MDGA2: variants seen among roughly 807,000 people sequenced by gnomAD.
MDGA2 encodes MAM domain-containing glycosylphosphatidylinositol anchor protein 2.
A neutral mutation model predicts 117.8 loss-of-function variants in MDGA2; 40 were observed. The observed-to-expected ratio is 0.34, with a 90% CI of 0.26 to 0.44. MDGA2 has a LOEUF of 0.44. Ranked by LOEUF, MDGA2 falls within the 20% of genes least tolerant of loss-of-function variation. The pLI, the probability that MDGA2 is intolerant of heterozygous loss-of-function variation, is 1.00. For synonymous variants in MDGA2, 452 were observed against 439.0 expected (o/e 1.03, Z -0.37); for missense variants, 1,123 against 1,250.6 (o/e 0.90, Z 1.54).
At chr14:47,520,688 G>C (rs1028204106) in intron 1 of MDGA2, among the ~76,000 whole-genome samples, 2 of 152,038 alleles carry the variant, frequency 1.3e-5, no homozygotes, top group African/African-American at 4.8e-5. Context: ...CAAAAATCAA[G>C]AATCAATAAG....
intron 10 of MDGA2, among the ~76,000 whole-genome samples, chr14:46,910,733 G>C (rs1353251859): frequency 1.3e-5 from 2 of 152,134 alleles, no homozygotes; most frequent in Non-Finnish European, 2.9e-5. Flanking sequence ...CAAACCCATA[G>C]TCTCAGCCAT....
intron 1 of MDGA2, among the ~76,000 whole-genome samples, chr14:47,458,012 T>A (rs953133489): frequency 3.1e-4 from 47 of 151,860 alleles, no homozygotes; most frequent in South Asian, 2.7e-3. Flanking sequence ...CCCATATTTT[T>A]TTTTTTTTTT....
intron 2 of MDGA2, among the ~76,000 whole-genome samples, chr14:47,228,279 T>A (rs1349677431): frequency 1.3e-5 from 2 of 152,208 alleles, no homozygotes; most frequent in Non-Finnish European, 1.5e-5. Context: ...CAAGACCCCA[T>A]CAAGGTTCAA....
chr14:47,427,653 C>T (rs1056874923), intron 1 of MDGA2, among the ~76,000 whole-genome samples: 10 of 152,022 alleles, frequency 6.6e-5, no homozygotes, highest in Non-Finnish European at 1.0e-4. Context: ...GAGACAGAGA[C>T]AGGGTCAAAA....
At chr14:46,842,168 T>C (rs1380205777) in intron 16 of MDGA2, 149 bp from the exon 17 acceptor site, 1 of 592,938 alleles carries the variant, frequency 1.7e-6, no homozygotes, top group African/African-American at 1.9e-5. Context: ...ATTTATCAGC[T>C]TCATTGCTAA....
chr14:47,261,038 C>G (rs776943133), intron 2 of MDGA2, among the ~76,000 whole-genome samples: 13 of 152,084 alleles, frequency 8.5e-5, no homozygotes, highest in Non-Finnish European at 1.8e-4. Context: ...TGAGCAAAAG[C>G]AAATTACCTC....
Position 47,197,683 on chromosome 14 carries a change from G to A in MDGA2, c.595+20338C>T, listed in dbSNP as rs1885337040. 2.6e-5 allele frequency among the ~76,000 whole-genome samples: 4 copies of A among 152,210 alleles called. No homozygotes were observed. The South Asian group carries it at 8.3e-4, about 32-fold the overall frequency. On this transcript the variant is annotated intron_variant, in intron 3 of 16. Coordinates refer to ENST00000399232, the MANE Select transcript of MDGA2 (RefSeq NM_001113498.3). ...CTCAGCACTTTGAGAGGCCAAGGAG[G>A]GTGGATCACGAGGTCAGGGGTTCGA...
intron 2 of MDGA2, among the ~76,000 whole-genome samples, chr14:47,228,841 C>A (rs887743799): frequency 6.6e-6 from 1 of 152,158 alleles, no homozygotes; most frequent in Non-Finnish European, 1.5e-5. Flanking sequence ...TGAATTATGA[C>A]AACTCTTGTG....
intron 1 of MDGA2, among the ~76,000 whole-genome samples, chr14:47,565,860 G>A (rs1445857124): frequency 1.3e-5 from 2 of 152,212 alleles, no homozygotes; most frequent in Non-Finnish European, 2.9e-5. Context: ...GCCAGCAGCT[G>A]TGACAATGTG....
intron 1 of MDGA2, among the ~76,000 whole-genome samples, chr14:47,528,224 C>T (rs539710072): frequency 1.3e-5 from 2 of 152,188 alleles, no homozygotes; most frequent in Admixed American, 6.5e-5. Context: ...CTAAACACGG[C>T]ACTGCTAACA....
chr14:47,084,510 A>G (rs985930483), intron 6 of MDGA2, among the ~76,000 whole-genome samples: 1 of 152,106 alleles, frequency 6.6e-6, no homozygotes, highest in African/African-American at 2.4e-5. Context: ...AAAAAAAAAA[A>G]AAAACTGACA....
chr14:47,627,843 G>A (rs1594951416), intron 1 of MDGA2, among the ~76,000 whole-genome samples: 1 of 152,170 alleles, frequency 6.6e-6, no homozygotes, highest in South Asian at 2.1e-4. Flanking sequence ...TCACTGTGAA[G>A]GTCTGCAGTT....
At position 47,245,548 on chromosome 14, in the gene MDGA2, T is replaced by A. The variant is rs531977574; in HGVS notation, c.421-27353A>T. 1.3e-4 allele frequency among the ~76,000 whole-genome samples: 19 copies of A among 151,732 alleles called. 2 individuals are homozygous for A. Among genetic ancestry groups the A allele is most frequent in the Non-Finnish European group, 2.1e-4 (14 of 67,734 alleles). ...ATGATATGGAGTTAGAAGGGTAGAATAAAGGACTTCAAAGTGCCTTCCTAA... is the reference window on the plus strand; with the variant it reads ...ATGATATGGAGTTAGAAGGGTAGAAAAAAGGACTTCAAAGTGCCTTCCTAA... On this transcript the variant is annotated intron_variant, in intron 2 of 16. Transcript: ENST00000399232.
At chr14:47,537,593 A>C (rs1303993014) in intron 1 of MDGA2, among the ~76,000 whole-genome samples, 10 of 142,088 alleles carry the variant, frequency 7.0e-5, no homozygotes, top group African/African-American at 2.6e-4. Context: ...AAAAAAAAAA[A>C]AAAAAAAAAA....
chr14:47,256,288 G>C (rs952784131), intron 2 of MDGA2, among the ~76,000 whole-genome samples: 1 of 151,904 alleles, frequency 6.6e-6, no homozygotes, highest in Non-Finnish European at 1.5e-5. Flanking sequence ...CATCATAGGA[G>C]TATCAATATT....
At chr14:47,450,748 A>G (rs1893225433) in intron 1 of MDGA2, among the ~76,000 whole-genome samples, 1 of 152,122 alleles carries the variant, frequency 6.6e-6, no homozygotes, top group Admixed American at 6.6e-5. Context: ...CTTATTTTCA[A>G]GCTGAAGGGA....
At chr14:47,149,241 G>C (rs1395687900) in intron 3 of MDGA2, among the ~76,000 whole-genome samples, 1 of 152,122 alleles carries the variant, frequency 6.6e-6, no homozygotes, top group African/African-American at 2.4e-5. Context: ...AGTGAGCCAA[G>C]ATCACACCAC....
chr14:47,311,503 A>G (rs4594172), intron 1 of MDGA2, among the ~76,000 whole-genome samples: 13,540 of 152,096 alleles, frequency 0.089, 734 homozygotes, highest in Non-Finnish European at 0.11. Flanking sequence ...AAAAAAAAAC[A>G]TCTTGGATCC....
intron 1 of MDGA2, among the ~76,000 whole-genome samples, chr14:47,336,786 ATATT>A (rs1233619110): frequency 2.0e-5 from 3 of 151,886 alleles, no homozygotes; most frequent in South Asian, 2.1e-4. Flanking sequence ...GTAGTTAATT[ATATT>A]TATTTATTTA....
Sources: allele counts gnomAD v4.1 joint callset (sites outside exome capture counted in the v4.1 genomes callset), GRCh38; gene constraint gnomAD v4.1.1; transcripts MANE v1.5; gene names NCBI Gene and HGNC (gene_info 2026-07-23, HGNC 2026-07-21).